The following CCR9 variants were observed in gnomAD, a reference collection of about 807,000 sequenced individuals.
The protein encoded by CCR9 is C-C chemokine receptor type 9.
A neutral mutation model predicts 8.7 loss-of-function variants in CCR9; 4 were observed. That is an observed-to-expected ratio of 0.46 (90% CI 0.23 to 1.06). The LOEUF (loss-of-function observed/expected upper bound fraction) is 1.06, where lower values mean the gene tolerates loss of function less well. Among genes scored for constraint, CCR9 ranks in the 50% least tolerant of loss-of-function variants. The pLI is 0.21. For missense variants in CCR9, 394 were observed against 453.6 expected, an observed-to-expected ratio of 0.87 and a Z score of 1.19; for synonymous variants, 159 against 168.8, an observed-to-expected ratio of 0.94 and a Z score of 0.45.
rs939936183 is a variant in CCR9 at position 45,895,750 on chromosome 3, T to C, written c.21+796T>C. Among the ~76,000 whole-genome samples, 5 of 152,026 alleles carry C rather than the reference T, an allele frequency of 3.3e-5. No individual in the cohort carries two copies. In the East Asian group the frequency reaches 7.7e-4, roughly 24 times the overall value. On this transcript the variant is annotated intron_variant, in intron 2 of 2. Transcript: ENST00000357632. Reference sequence around the variant, plus strand: ...AAAAAATCAGTGAGTCAAATCATAATCCAGAGAATCTTTTTTTCTTTTACA... The same window carrying C: ...AAAAAATCAGTGAGTCAAATCATAACCCAGAGAATCTTTTTTTCTTTTACA...
At position 45,890,256 on chromosome 3, in the gene CCR9, G is replaced by GAAATATATATATATATTATAT. The variant is rs1402612474; in HGVS notation, c.-29+3614_-29+3615insTATTATATAAATATATATATA. On this transcript the variant is annotated intron_variant, in intron 1 of 2. Transcript: ENST00000357632. ...GAGGTGACATAAGCCCTGGGTATTA[G>GAAATATATATATATATTATAT]AAATATATATATAACATATATATAT... Among the ~76,000 whole-genome samples, 3 of 20,990 alleles carry GAAATATATATATATATTATAT rather than the reference G, an allele frequency of 1.4e-4. 1 individual carries two copies. Among genetic ancestry groups the GAAATATATATATATATTATAT allele is most frequent in the African/African-American group, 5.8e-4 (3 of 5,186 alleles). The allele number at this position is 20,990 out of a possible 152,430, so 13.8% of individuals were successfully genotyped here. A position where few individuals can be genotyped will look rare whatever the true frequency, so the allele number is the denominator to read the frequency against.
Position 45,900,868 on chromosome 3 carries a change from A to G in CCR9, c.80A>G (p.Asp27Gly). The change falls in exon 3 of 3, where the codon GAC (aspartate) becomes GGC (glycine). Residue 27 changes from aspartate (D) to glycine (G), a missense_variant. By Grantham distance (94) the Asp-to-Gly change is moderately conservative. Coordinates refer to ENST00000357632, the MANE Select transcript of CCR9 (RefSeq NM_031200.3). The surrounding 1 kb of genome is among the most constrained non-coding windows in gnomAD (Gnocchi z 4.7). ...TCTGAATCCACATCTTCCATGGAAGACTACGTTAACTTCAACTTCACTGAC... is the reference window on the plus strand; with the variant it reads ...TCTGAATCCACATCTTCCATGGAAGGCTACGTTAACTTCAACTTCACTGAC... Reference protein sequence around the residue: ...YGSESTSSMEDYVNFNFTDFY... With the variant: ...YGSESTSSMEGYVNFNFTDFY... 1 of 1,614,130 alleles carries G rather than the reference A, an allele frequency of 6.2e-7. No individual in the cohort carries two copies. The highest frequency in any genetic ancestry group is 2.2e-5 in the East Asian group (1 of 44,888).
Position 45,901,417 on chromosome 3 carries a change from T to G in CCR9, c.629T>G (p.Leu210Arg). ...TACCCTAGCGATGAGAGCACCAAAC[T>G]GAAGTCAGCTGTCTTGACCCTGAAG... Reference protein sequence around the residue: ...MVYPSDESTKLKSAVLTLKVI... With the variant: ...MVYPSDESTKRKSAVLTLKVI... Residue 210 changes from leucine (L) to arginine (R), a missense_variant, in exon 3 of 3, where the codon CTG becomes CGG. Physicochemically the swap from Leu to Arg is moderately radical, Grantham distance 102. Transcript: ENST00000357632. The surrounding 1 kb of genome is among the most constrained non-coding windows in gnomAD (Gnocchi z 4.3). 6.2e-7 allele frequency: 1 copy of G among 1,614,206 alleles called. No homozygotes were observed. The highest frequency in any genetic ancestry group is 8.5e-7 in the Non-Finnish European group (1 of 1,180,028).
At position 45,901,581 on chromosome 3, in the gene CCR9, T is replaced by C; in HGVS notation, c.793T>C (p.Leu265=). 3 of 1,614,226 alleles carry C rather than the reference T, an allele frequency of 1.9e-6. No individual in the cohort carries two copies. Among genetic ancestry groups the C allele is most frequent in the Non-Finnish European group, 2.5e-6 (3 of 1,180,026 alleles). The change falls in exon 3 of 3, where the codon TTG becomes CTG. Residue 265 remains leucine (L), a synonymous_variant. Coordinates refer to ENST00000357632, the MANE Select transcript of CCR9 (RefSeq NM_031200.3). This position sits in a 1 kb window ranked among gnomAD's most constrained non-coding sequence, Gnocchi z 4.3. ...VTITVLTVFV[L]SQFPYNCILL... is the part of the protein sequence containing the mutation. ...CATCACTGTCCTGACCGTCTTTGTC[T>C]TGTCTCAGTTTCCCTACAACTGCAT...
chr3:45,896,158 C>T (rs1170486563), intron 2 of CCR9, among the ~76,000 whole-genome samples: 1 of 152,234 alleles, frequency 6.6e-6, no homozygotes, highest in African/African-American at 2.4e-5. Context: ...TCTTCAGTTT[C>T]TCCTGCATTA....
rs140824475 is a variant in CCR9, at chr3:45,899,123, G to T, written c.22-1687G>T. Among the ~76,000 whole-genome samples, 40 of 152,316 alleles carry T rather than the reference G, an allele frequency of 2.6e-4. 1 individual carries two copies. In the East Asian group the frequency reaches 7.5e-3, roughly 29 times the overall value. On this transcript the variant is annotated intron_variant, in intron 2 of 2. Transcript: ENST00000357632. ...GGAGGTTGCAGTGAGCCGAGATGGCGCCATTGCACTCCAGCCTGGGAAGCA... is the reference window on the plus strand; with the variant it reads ...GGAGGTTGCAGTGAGCCGAGATGGCTCCATTGCACTCCAGCCTGGGAAGCA...
chr3:45,894,054 C>T lies in CCR9; in HGVS notation c.-28-852C>T, dbSNP rs182337599. Among the ~76,000 whole-genome samples, 7 of 152,254 alleles carry T rather than the reference C, an allele frequency of 4.6e-5. No homozygotes were observed. The East Asian group carries it at 1.3e-3, about 29-fold the overall frequency. On this transcript the variant is annotated intron_variant, in intron 1 of 2. Transcript: ENST00000357632. ...TGGACAGGTTTCCTTGAAATGTACTCGCTAAGGGTATAAAAGGAAATGCCC... is the reference window on the plus strand; with the variant it reads ...TGGACAGGTTTCCTTGAAATGTACTTGCTAAGGGTATAAAAGGAAATGCCC...
intron 1 of CCR9, among the ~76,000 whole-genome samples, chr3:45,891,584 A>G (rs190811789): frequency 3.7e-4 from 57 of 152,354 alleles, no homozygotes; most frequent in Non-Finnish European, 6.3e-4. Flanking sequence ...CTGTAAAACC[A>G]CAATGCAGTC....
chr3:45,895,206 G>T, intron 2 of CCR9: 1 of 532,340 alleles, frequency 1.9e-6, no homozygotes, highest in Non-Finnish European at 3.3e-6. Flanking sequence ...AACAGCTAAG[G>T]ATTTTTAACC....
chr3:45,887,934 T>A lies in CCR9; in HGVS notation c.-29+1279T>A, dbSNP rs76478208. ...GCTCCGTGTAGCAAATTGTACAAAG[T>A]TCAAAGTAAGGACCTGCATTCCTGA... On this transcript the variant is annotated intron_variant, in intron 1 of 2. Coordinates refer to ENST00000357632, the MANE Select transcript of CCR9 (RefSeq NM_031200.3). 9.8e-3 allele frequency among the ~76,000 whole-genome samples: 1,486 copies of A among 152,312 alleles called. 28 individuals are homozygous for A. The highest frequency in any genetic ancestry group is 0.033 in the African/African-American group (1,381 of 41,546).
At position 45,890,345 on chromosome 3, in the gene CCR9, T is replaced by C. The variant is rs1384423592; in HGVS notation, c.-29+3690T>C. Among the ~76,000 whole-genome samples, 5 of 74,874 alleles carry C rather than the reference T, an allele frequency of 6.7e-5. 1 individual carries two copies. The highest frequency in any genetic ancestry group is 1.0e-4 in the Non-Finnish European group (5 of 47,914). The allele number at this position is 74,874 out of a possible 152,430, so 49.1% of individuals were successfully genotyped here. On this transcript the variant is annotated intron_variant, in intron 1 of 2. Coordinates refer to ENST00000357632, the MANE Select transcript of CCR9 (RefSeq NM_031200.3). ...TATAAATATATATATAACATATATA[T>C]ATAACATATATATATATATAACATA...
chr3:45,892,119 T>C (rs759308159), intron 1 of CCR9, among the ~76,000 whole-genome samples: 1 of 152,184 alleles, frequency 6.6e-6, no homozygotes, highest in Non-Finnish European at 1.5e-5. Flanking sequence ...AATTATGCTG[T>C]GTATCATTGC....
chr3:45,893,673 A>G (rs1702261028), intron 1 of CCR9, among the ~76,000 whole-genome samples: 1 of 152,222 alleles, frequency 6.6e-6, no homozygotes, highest in African/African-American at 2.4e-5. Flanking sequence ...TTTCACAGTT[A>G]ACTTATCCAT....
intron 1 of CCR9, among the ~76,000 whole-genome samples, chr3:45,891,369 A>G (rs1702174222): frequency 6.6e-6 from 1 of 152,212 alleles, no homozygotes; most frequent in South Asian, 2.1e-4. Context: ...TGTGTAAAGA[A>G]TGCTTATAAA....
chr3:45,894,528 C>T (rs1323762405), intron 1 of CCR9, among the ~76,000 whole-genome samples: 1 of 152,140 alleles, frequency 6.6e-6, no homozygotes, highest in Non-Finnish European at 1.5e-5. Context: ...ACTTGACAGA[C>T]AAGCTGAATC....
At chr3:45,886,382 A>G (rs1701981945), upstream of CCR9, 1 of 152,228 alleles carries the variant, frequency 6.6e-6, no homozygotes, top group Non-Finnish European at 1.5e-5. Flanking sequence ...TTATCCCAGC[A>G]GTTTTCAGCT....
Position 45,896,942 on chromosome 3 carries a change from G to A in CCR9, c.21+1988G>A, listed in dbSNP as rs140155356. The stretch of plus-strand genomic sequence containing the variant: ...GGCTGAGGATTTCCAGAGAACACAT[G>A]AGCCAGAGAAGGAGGCCCTGGAAAG... On this transcript the variant is annotated intron_variant, in intron 2 of 2. Coordinates refer to ENST00000357632, the MANE Select transcript of CCR9 (RefSeq NM_031200.3). Among the ~76,000 whole-genome samples, 1,404 of 152,302 alleles carry A rather than the reference G, an allele frequency of 9.2e-3. 25 individuals are homozygous for A. Among genetic ancestry groups the A allele is most frequent in the African/African-American group, 0.032 (1,326 of 41,558 alleles).
At position 45,901,449 on chromosome 3, in the gene CCR9, C is replaced by T. The variant is rs1167171848; in HGVS notation, c.661C>T (p.Leu221=). The T allele has an allele frequency of 3.7e-6, 6 of 1,614,038 alleles. No homozygotes were observed. Among genetic ancestry groups the T allele is most frequent in the African/African-American group, 2.7e-5 (2 of 74,912 alleles). The part of the protein sequence containing the change: ...KSAVLTLKVI[L]GFFLPFVVMA... ...AGCTGTCTTGACCCTGAAGGTCATT[C>T]TGGGGTTCTTCCTTCCCTTCGTGGT... The change falls in exon 3 of 3, where the codon CTG becomes TTG. Residue 221 remains leucine, a synonymous_variant. Coordinates refer to ENST00000357632, the MANE Select transcript of CCR9 (RefSeq NM_031200.3). The surrounding 1 kb of genome is among the most constrained non-coding windows in gnomAD (Gnocchi z 4.3).
At chr3:45,888,149 T>C (rs1702039603) in intron 1 of CCR9, among the ~76,000 whole-genome samples, 1 of 152,222 alleles carries the variant, frequency 6.6e-6, no homozygotes, top group Admixed American at 6.5e-5. Flanking sequence ...CTTTTCTCTT[T>C]TGGAGAATTA....
Sources: allele counts gnomAD v4.1 joint callset (sites outside exome capture counted in the v4.1 genomes callset), GRCh38; gene constraint gnomAD v4.1.1; non-coding constraint Gnocchi (gnomAD v3.1); transcripts MANE v1.5; gene names NCBI Gene and HGNC (gene_info 2026-07-23, HGNC 2026-07-21).